PRRC2B: variants seen among roughly 807,000 people sequenced by gnomAD.
PRRC2B encodes proline rich coiled-coil 2B, also known as protein PRRC2B.
PRRC2B carries 68 observed loss-of-function variants against 242.3 expected under a neutral mutation model. The ratio of observed to expected loss-of-function variants is 0.28; its 90% confidence interval spans 0.23 to 0.34. The LOEUF (loss-of-function observed/expected upper bound fraction) is 0.34. Ranked by LOEUF, PRRC2B falls within the 10% of genes least tolerant of loss-of-function variation. The probability of loss-of-function intolerance (pLI) is 1.00; values close to 1 mark genes in which losing one functional copy is unlikely to be tolerated. For synonymous variants in PRRC2B, 1,228 were observed against 1,173.6 expected (o/e 1.05, Z -0.95); for missense variants, 2,835 against 2,954.8 (o/e 0.96, Z 0.94).
At position 131,475,402 on chromosome 9, in the gene PRRC2B, G is replaced by T; in HGVS notation, c.3273G>T (p.Gly1091=). ...GAAATGGGAGCGGCCTCTGTGGTGGGGGGGTCCTGGGGGCCCGCAGCATCT... is the reference window on the plus strand; with the variant it reads ...GAAATGGGAGCGGCCTCTGTGGTGGTGGGGTCCTGGGGGCCCGCAGCATCT... ...AGGNGSGLCG[G]GVLGARSIYC... Residue 1091 remains glycine (G), a synonymous_variant, in exon 16 of 32, where the codon GGG becomes GGT. Coordinates refer to ENST00000683519, the MANE Select transcript of PRRC2B (RefSeq NM_013318.4). 1 of 1,578,920 alleles carries T rather than the reference G, an allele frequency of 6.3e-7. No homozygotes were observed. The highest frequency in any genetic ancestry group is 8.6e-7 in the Non-Finnish European group (1 of 1,164,046).
rs887615277 is a variant in PRRC2B, at chr9:131,400,240, C to T, written c.-52+5977C>T. Reference sequence around the variant, plus strand: ...CTGGGATCCTATAGGCATGCGCCACCATGCCTGACTAAGTTTTGTATTTTT... The same window carrying T: ...CTGGGATCCTATAGGCATGCGCCACTATGCCTGACTAAGTTTTGTATTTTT... On this transcript the variant is annotated intron_variant, in intron 1 of 31. Coordinates refer to ENST00000683519, the MANE Select transcript of PRRC2B (RefSeq NM_013318.4). Among the ~76,000 whole-genome samples, 22 of 152,254 alleles carry T rather than the reference C, an allele frequency of 1.4e-4. 1 individual carries two copies. Among genetic ancestry groups the T allele is most frequent in the African/African-American group, 4.8e-4 (20 of 41,552 alleles).
At chr9:131,465,130 C>A in intron 12 of PRRC2B, 52 bp downstream of exon 12, 1 of 1,519,088 alleles carries the variant, frequency 6.6e-7, no homozygotes, top group Non-Finnish European at 8.9e-7. Flanking sequence ...CTGTTGTCCT[C>A]GTCTTGTTAC....
chr9:131,421,920 C>G (rs955194553), intron 1 of PRRC2B, among the ~76,000 whole-genome samples: 4 of 152,236 alleles, frequency 2.6e-5, no homozygotes, highest in East Asian at 1.9e-4. Flanking sequence ...ACTGGGAAAG[C>G]AGATTCCAGG....
chr9:131,435,285 G>A (rs1168401348), intron 3 of PRRC2B, among the ~76,000 whole-genome samples: 3 of 145,658 alleles, frequency 2.1e-5, no homozygotes, highest in Admixed American at 7.1e-5. Flanking sequence ...GTGACAGAGC[G>A]AGATTCCATC....
In PRRC2B at chr9:131,475,721, C is replaced by T. The variant is rs1174404217; in HGVS notation, c.3592C>T (p.Pro1198Ser). 1.9e-6 allele frequency: 3 copies of T among 1,613,152 alleles called. No homozygotes were observed. In the African/African-American group the frequency reaches 4.0e-5, roughly 22 times the overall value. ...CGGTCTAGATGCCAAGAGCCGAGGC[C>T]CTCGGGCCTTTGGGCGAGCCCTCCC... ...HSGLDAKSRG[P>S]RAFGRALPPR... is the part of the protein sequence containing the mutation. Residue 1198 changes from proline to serine, a missense_variant, in exon 16 of 32, where the codon CCT becomes TCT. This residue lies in a region of PRRC2B where 1,536 missense variants were observed against 1,483.1 expected (regional missense o/e 1.04). Coordinates refer to ENST00000683519, the MANE Select transcript of PRRC2B (RefSeq NM_013318.4).
At position 131,481,754 on chromosome 9, in the gene PRRC2B, C is replaced by T. The variant is rs779442217; in HGVS notation, c.4929C>T (p.Asp1643=). 8 of 1,566,346 alleles carry T rather than the reference C, an allele frequency of 5.1e-6. No individual in the cohort carries two copies. The Admixed American group carries it at 1.5e-4, about 29-fold the overall frequency. The change falls in exon 20 of 32, where the codon GAC becomes GAT. Residue 1643 remains aspartate, a synonymous_variant. Transcript: ENST00000683519. The part of the protein sequence containing the change: ...QALPVQAPAN[D]SWRKAVTAFS... ...TCCCTGTGCAGGCCCCAGCCAACGA[C>T]TCCTGGAGGAAAGCTGTCACTGCCT...
Position 131,420,453 on chromosome 9 carries a change from T to TTCTTTCTTTCTTTCTTTCTTTCTTTC in PRRC2B, c.-51-9640_-51-9639insCTTTCTTTCTTTCTTTCTTTCTTTCT, listed in dbSNP as rs1554758580. 2.3e-4 allele frequency among the ~76,000 whole-genome samples: 14 copies of TTCTTTCTTTCTTTCTTTCTTTCTTTC among 61,056 alleles called. 1 individual carries two copies. Among genetic ancestry groups the TTCTTTCTTTCTTTCTTTCTTTCTTTC allele is most frequent in the Non-Finnish European group, 3.7e-4 (11 of 29,880 alleles). The allele number at this position is 61,056 out of a possible 152,430, so 40.1% of individuals were successfully genotyped here. A position where few individuals can be genotyped will look rare whatever the true frequency, so the allele number is the denominator to read the frequency against. ...TTTTCTTTTTTCTTTTTCTTTTTCTTTTTCTTTCTTTCTTTCTTTCTTTCT... is the reference window on the plus strand; with the variant it reads ...TTTTCTTTTTTCTTTTTCTTTTTCTTTCTTTCTTTCTTTCTTTCTTTCTTTCTTTCTTTCTTTCTTTCTTTCTTTCT... On this transcript the variant is annotated intron_variant, in intron 1 of 31. Coordinates refer to ENST00000683519, the MANE Select transcript of PRRC2B (RefSeq NM_013318.4).
intron 1 of PRRC2B, among the ~76,000 whole-genome samples, chr9:131,381,710 C>T (rs575478688): frequency 5.3e-5 from 8 of 151,336 alleles, no homozygotes; most frequent in African/African-American, 1.7e-4. Context: ...TGAGCCACCG[C>T]GCCTGGCCAA....
chr9:131,477,074 G>A (rs1943725673), intron 16 of PRRC2B, among the ~76,000 whole-genome samples: 1 of 152,218 alleles, frequency 6.6e-6, no homozygotes, highest in African/African-American at 2.4e-5. Flanking sequence ...ACATGGTCTG[G>A]CGAGCACCTC....
rs1194882575 is a variant in PRRC2B, at chr9:131,447,726, C to T, written c.1042C>T (p.Pro348Ser). Residue 348 changes from proline to serine, a missense_variant, in exon 9 of 32, where the codon CCA becomes TCA. Pro to Ser is a moderately conservative substitution (Grantham distance 74, BLOSUM62 -1). Coordinates refer to ENST00000683519, the MANE Select transcript of PRRC2B (RefSeq NM_013318.4). ...ACTAAGGCAGCTGGTGGAGCGGGCA[C>T]CACGGCCCACCATTATCAATGCGGA... The part of the protein sequence containing the change: ...RPLRQLVERA[P>S]RPTIINAENL... 3.7e-6 allele frequency: 6 copies of T among 1,613,632 alleles called. No individual in the cohort carries two copies. Among genetic ancestry groups the T allele is most frequent in the South Asian group, 1.1e-5 (1 of 91,042 alleles).
At chr9:131,419,902 G>A (rs1483079818) in intron 1 of PRRC2B, among the ~76,000 whole-genome samples, 2 of 152,028 alleles carry the variant, frequency 1.3e-5, no homozygotes, top group Admixed American at 1.3e-4. Flanking sequence ...TGGAAGGTGT[G>A]TGAGCAGGTG....
At chr9:131,488,143 C>T (rs769395354) in intron 28 of PRRC2B, 47 bp downstream of exon 28, 3 of 1,569,318 alleles carry the variant, frequency 1.9e-6, no homozygotes, top group African/African-American at 1.4e-5. Context: ...TTCTTTCCTT[C>T]ACGACCTTGC....
chr9:131,476,268 G>A lies in PRRC2B; in HGVS notation c.4139G>A (p.Ser1380Asn), dbSNP rs1943695724. ...GAGGAGTGGGAGACGGCCTCCGAAA[G>A]CAGCGACTTCAGCGAGCGGCGGGAG... is the stretch of plus-strand genomic sequence containing the variant. ...ANEEWETASE[S>N]SDFSERRERR... Residue 1380 changes from serine to asparagine, a missense_variant, in exon 16 of 32, where the codon AGC becomes AAC. Physicochemically the swap from Ser to Asn is conservative, Grantham distance 46 (BLOSUM62 1). This residue lies in a region of PRRC2B where 1,536 missense variants were observed against 1,483.1 expected (regional missense o/e 1.04). Transcript: ENST00000683519. The A allele has an allele frequency of 6.2e-7, 1 of 1,611,110 alleles. No homozygotes were observed. The highest frequency in any genetic ancestry group is 8.5e-7 in the Non-Finnish European group (1 of 1,178,722).
chr9:131,481,706 C>CT lies in PRRC2B; in HGVS notation c.4901-19dup, dbSNP rs1943874441. Reference sequence around the variant, plus strand: ...CGGGTTGCTCTTTGATGCCCTGACTCTGTCTTCCTCCCCTGGCAGCTCTCC... The same window carrying CT: ...CGGGTTGCTCTTTGATGCCCTGACTCTTGTCTTCCTCCCCTGGCAGCTCTCC... On this transcript the variant is annotated intron_variant, in intron 19 of 31. Coordinates refer to ENST00000683519, the MANE Select transcript of PRRC2B (RefSeq NM_013318.4). 1 of 1,551,090 alleles carries CT rather than the reference C, an allele frequency of 6.4e-7. No homozygotes were observed. The highest frequency in any genetic ancestry group is 1.4e-5 in the African/African-American group (1 of 73,092).
chr9:131,490,717 C>T, intron 28 of PRRC2B: 1 of 418,858 alleles, frequency 2.4e-6, no homozygotes, highest in South Asian at 1.7e-5. Flanking sequence ...AAAGGACCCC[C>T]ACAGTCTGGA....
At chr9:131,429,047 A>G (rs567324883) in intron 1 of PRRC2B, among the ~76,000 whole-genome samples, 1 of 152,254 alleles carries the variant, frequency 6.6e-6, no homozygotes, top group South Asian at 2.1e-4. Context: ...CCCAGGTTCA[A>G]GCAATTCTCC....
At chr9:131,387,007 TTTCTTTC>T (rs1836835116) in intron 1 of PRRC2B, among the ~76,000 whole-genome samples, 2 of 149,328 alleles carry the variant, frequency 1.3e-5, no homozygotes, top group South Asian at 2.1e-4. Context: ...TCTTTCTTTC[TTTCTTTC>T]TTTTTTGAGA....
intron 3 of PRRC2B, among the ~76,000 whole-genome samples, chr9:131,434,118 A>G (rs1391400856): frequency 1.3e-5 from 2 of 152,202 alleles, no homozygotes; most frequent in African/African-American, 2.4e-5. Flanking sequence ...CACGGTATCC[A>G]TGAGGCATTG....
At chr9:131,493,752 G>A (rs1564304129) in intron 30 of PRRC2B, among the ~76,000 whole-genome samples, 1 of 152,224 alleles carries the variant, frequency 6.6e-6, no homozygotes, top group South Asian at 2.1e-4. Context: ...GGTCCTTGGG[G>A]GAGTGCTGTC....
Sources: allele counts gnomAD v4.1 joint callset (sites outside exome capture counted in the v4.1 genomes callset), GRCh38; gene constraint gnomAD v4.1.1; regional missense constraint gnomAD v4.1.1; transcripts MANE v1.5; gene names NCBI Gene and HGNC (gene_info 2026-07-23, HGNC 2026-07-21).